CFAP61: variants seen among roughly 807,000 people sequenced by gnomAD.
The protein encoded by CFAP61 is cilia- and flagella-associated protein 61.
In CFAP61, 107 loss-of-function variants were observed where a neutral mutation model predicts 135.6. The observed-to-expected ratio is 0.79, with a 90% confidence interval of 0.67 to 0.93. The LOEUF (loss-of-function observed/expected upper bound fraction) is 0.93. CFAP61 is among the 40% of genes least tolerant of loss of function. The pLI, the probability that CFAP61 is intolerant of heterozygous loss-of-function variation, is 0.00. For missense variants in CFAP61, 1,507 were observed against 1,556.2 expected, an observed-to-expected ratio of 0.97 and a Z score of 0.53; for synonymous variants, 575 against 578.5, an observed-to-expected ratio of 0.99 and a Z score of 0.09.
intron 24 of CFAP61, among the ~76,000 whole-genome samples, chr20:20,290,647 C>G (rs2054935355): frequency 6.6e-6 from 1 of 152,196 alleles, no homozygotes; most frequent in Non-Finnish European, 1.5e-5. Context: ...GTGTGACTTC[C>G]AAGGTCAGGT....
At chr20:20,353,234 A>G (rs1416341615) in intron 26 of CFAP61, among the ~76,000 whole-genome samples, 2 of 152,206 alleles carry the variant, frequency 1.3e-5, no homozygotes, top group African/African-American at 4.8e-5. Context: ...TTCACCAGGT[A>G]CACTGGAGTT....
chr20:20,096,732 G>C (rs1437321565), intron 7 of CFAP61, among the ~76,000 whole-genome samples: 1 of 152,206 alleles, frequency 6.6e-6, no homozygotes, highest in Non-Finnish European at 1.5e-5. Flanking sequence ...GCTGAGTCTT[G>C]GGCCTGAAAT....
chr20:20,268,032 C>G (rs927371491), intron 21 of CFAP61, among the ~76,000 whole-genome samples: 1 of 152,224 alleles, frequency 6.6e-6, no homozygotes, highest in African/African-American at 2.4e-5. Context: ...TTTGAAAAGT[C>G]GCATGGAGCC....
intron 24 of CFAP61, among the ~76,000 whole-genome samples, chr20:20,290,658 C>A (rs868315753): frequency 6.6e-6 from 1 of 152,314 alleles, no homozygotes; most frequent in South Asian, 2.1e-4. Flanking sequence ...AAGGTCAGGT[C>A]AGGTCAAGAA....
Position 20,223,363 on chromosome 20 carries a change from C to G in CFAP61, c.1933-4886C>G, listed in dbSNP as rs6112822. Among the ~76,000 whole-genome samples, 4 of 152,238 alleles carry G rather than the reference C, an allele frequency of 2.6e-5. No homozygotes were observed. In the East Asian group the frequency reaches 7.7e-4, roughly 29 times the overall value. The stretch of plus-strand genomic sequence containing the variant: ...CAGTGGCAAAATTAAGAAAACAAGC[C>G]TAAACCTTGCCACCAAGCTAATGAC... On this transcript the variant is annotated intron_variant, in intron 17 of 26. Transcript: ENST00000245957.
intron 20 of CFAP61, among the ~76,000 whole-genome samples, chr20:20,253,137 A>T (rs2051101372): frequency 1.7e-5 from 2 of 115,936 alleles, no homozygotes; most frequent in Non-Finnish European, 3.8e-5. Flanking sequence ...GGAGCCTGAG[A>T]TGCTACATTT....
intron 6 of CFAP61, chr20:20,085,389 A>G: frequency 7.4e-7 from 1 of 1,352,206 alleles, no homozygotes; most frequent in Non-Finnish European, 9.8e-7. Flanking sequence ...GGCTGATGCA[A>G]GATCATAAAT....
intron 25 of CFAP61, among the ~76,000 whole-genome samples, chr20:20,333,672 GTGTC>G (rs1292393703): frequency 7.9e-5 from 12 of 152,198 alleles, no homozygotes; most frequent in Admixed American, 7.9e-4. Context: ...CCCGGGCTGA[GTGTC>G]TGGGATTCAG....
intron 9 of CFAP61, among the ~76,000 whole-genome samples, chr20:20,146,435 T>A (rs1296926217): frequency 6.6e-6 from 1 of 152,184 alleles, no homozygotes; most frequent in Non-Finnish European, 1.5e-5. Flanking sequence ...AAGAAACTAC[T>A]CCCAACACTG....
At chr20:20,063,792 C>T (rs2045008146) in intron 2 of CFAP61, among the ~76,000 whole-genome samples, 1 of 152,046 alleles carries the variant, frequency 6.6e-6, no homozygotes, top group South Asian at 2.1e-4. Context: ...CTCTACTTAG[C>T]AAATGGAAAG....
At chr20:20,070,101 A>T (rs796934772) in intron 2 of CFAP61, among the ~76,000 whole-genome samples, 3 of 152,312 alleles carry the variant, frequency 2.0e-5, no homozygotes, top group African/African-American at 7.2e-5. Flanking sequence ...AAGACAGGGT[A>T]GCAGTTGGGA....
Position 20,297,635 on chromosome 20 carries a change from T to G in CFAP61, c.3217-546T>G, listed in dbSNP as rs566919891. 7.5e-4 allele frequency among the ~76,000 whole-genome samples: 114 copies of G among 152,352 alleles called. 1 individual carries two copies. Among genetic ancestry groups the G allele is most frequent in the Non-Finnish European group, 1.4e-3 (96 of 68,036 alleles). On this transcript the variant is annotated intron_variant, in intron 24 of 26. Coordinates refer to ENST00000245957, the MANE Select transcript of CFAP61 (RefSeq NM_015585.4). ...AAACCAGAAAACCACCTGCAGAATG[T>G]GTATGTGCATCTCCCATAGCCTTGA...
intron 2 of CFAP61, among the ~76,000 whole-genome samples, chr20:20,068,389 G>A (rs6106184): frequency 5.1e-4 from 78 of 152,332 alleles, no homozygotes; most frequent in African/African-American, 1.8e-3. Flanking sequence ...GTAGACGGAA[G>A]TTAAGGGTTC....
At chr20:20,090,755 T>A in intron 6 of CFAP61, 89 bp from the exon 7 acceptor site, 1 of 1,320,666 alleles carries the variant, frequency 7.6e-7, no homozygotes, top group Non-Finnish European at 1.1e-6. Context: ...GCCCCGGCAC[T>A]TAGAACAGGG....
chr20:20,141,947 G>A (rs1052701063), intron 8 of CFAP61, among the ~76,000 whole-genome samples: 1 of 152,150 alleles, frequency 6.6e-6, no homozygotes, highest in Non-Finnish European at 1.5e-5. Context: ...GGGCAGCCAT[G>A]AGCAGGGTGT....
At chr20:20,267,977 C>T (rs1211180797) in intron 21 of CFAP61, among the ~76,000 whole-genome samples, 3 of 152,236 alleles carry the variant, frequency 2.0e-5, no homozygotes, top group African/African-American at 7.2e-5. Context: ...AGCTAGAAGT[C>T]TGGCACATGA....
rs6046614 is a variant in CFAP61 at position 20,090,990 on chromosome 20, T to C, written c.699+14T>C. On this transcript the variant is annotated intron_variant, in intron 7 of 26. Transcript: ENST00000245957. ...GTTGTGTGTGAGGTCAGTGACTGAT[T>C]CATGTGGGAACACACTTAGTGAGAG... 1,228,588 of 1,613,140 alleles carry C rather than the reference T, an allele frequency of 0.76. 470,951 individuals are homozygous for C. Among genetic ancestry groups the C allele is most frequent in the East Asian group, 0.99 (44,450 of 44,828 alleles).
At chr20:20,180,626 G>A (rs1430147343) in intron 13 of CFAP61, among the ~76,000 whole-genome samples, 1 of 152,152 alleles carries the variant, frequency 6.6e-6, no homozygotes, top group Non-Finnish European at 1.5e-5. Context: ...CGTAAAAGCA[G>A]AAATAACATT....
intron 9 of CFAP61, among the ~76,000 whole-genome samples, chr20:20,146,513 C>T (rs1481408605): frequency 6.6e-6 from 1 of 152,152 alleles, no homozygotes; most frequent in Non-Finnish European, 1.5e-5. Context: ...TTTCACAATA[C>T]TCTATGATTT....
Sources: gnomAD v4.1 joint callset for allele counts (sites outside exome capture counted in the v4.1 genomes callset) on GRCh38, gnomAD v4.1.1 for gene constraint, MANE v1.5 for transcripts, NCBI Gene and HGNC (gene_info 2026-07-23, HGNC 2026-07-21) for gene names.